The following CPNE4 variants were observed in gnomAD, a reference collection of about 807,000 sequenced individuals.
CPNE4 encodes the protein copine-4.
A neutral mutation model predicts 67.9 loss-of-function variants in CPNE4; 25 were observed. The ratio of observed to expected loss-of-function variants is 0.37; its 90% CI spans 0.27 to 0.51. The LOEUF (loss-of-function observed/expected upper bound fraction) is 0.51, where lower values mean the gene tolerates loss of function less well. Ranked by LOEUF, CPNE4 falls within the 20% of genes least tolerant of loss-of-function variation. CPNE4 has a pLI of 0.93. For synonymous variants in CPNE4, 242 were observed against 244.9 expected, an observed-to-expected ratio of 0.99 and a Z score of 0.11; for missense variants, 464 against 690.8, an observed-to-expected ratio of 0.67 and a Z score of 3.68.
intron 1 of CPNE4, among the ~76,000 whole-genome samples, chr3:131,943,390 T>C (rs972995161): frequency 6.6e-6 from 1 of 152,156 alleles, no homozygotes; most frequent in Non-Finnish European, 1.5e-5. Flanking sequence ...CCCTGTGATA[T>C]GTCATTGGAT....
chr3:131,752,098 A>T (rs1456749323), intron 2 of CPNE4, among the ~76,000 whole-genome samples: 1 of 152,182 alleles, frequency 6.6e-6, no homozygotes, highest in Non-Finnish European at 1.5e-5. Flanking sequence ...GTGAAAGCCC[A>T]CATTTACCAT....
rs4530571 is a variant in CPNE4, at chr3:131,883,552, A to G, written c.180+21712T>C. 6.9e-3 allele frequency among the ~76,000 whole-genome samples: 1,049 copies of G among 152,268 alleles called. 11 individuals carry two copies. The highest frequency in any genetic ancestry group is 0.024 in the African/African-American group (1,014 of 41,572). ...CAAGCAGTTGTACTTTCATCCTCCA[A>G]TGGCCTCCCATTACATATGGAATAA... On this transcript the variant is annotated intron_variant, in intron 2 of 15. Transcript: ENST00000429747.
chr3:131,686,762 G>A (rs955503351), intron 5 of CPNE4, among the ~76,000 whole-genome samples: 1 of 152,138 alleles, frequency 6.6e-6, no homozygotes, highest in Non-Finnish European at 1.5e-5. Flanking sequence ...CTTAGCTCTA[G>A]GTTTTTGTTC....
intron 15 of CPNE4, among the ~76,000 whole-genome samples, chr3:131,539,272 A>C (rs1464342559): frequency 1.3e-5 from 2 of 152,204 alleles, no homozygotes; most frequent in Admixed American, 6.5e-5. Context: ...GACTGTGAGC[A>C]GCACCCTACT....
At chr3:131,848,137 T>C (rs1374463456) in intron 2 of CPNE4, among the ~76,000 whole-genome samples, 2 of 152,142 alleles carry the variant, frequency 1.3e-5, no homozygotes, top group African/African-American at 4.8e-5. Flanking sequence ...TAAGGGGAGC[T>C]TCTGCAATTC....
intron 2 of CPNE4, among the ~76,000 whole-genome samples, chr3:131,742,358 T>A (rs1459288869): frequency 6.6e-6 from 1 of 152,168 alleles, no homozygotes; most frequent in Non-Finnish European, 1.5e-5. Context: ...CTCTCCTTTT[T>A]CTAAGGCCTT....
At chr3:131,627,206 A>AAAAAAAG (rs2079100004) in intron 7 of CPNE4, among the ~76,000 whole-genome samples, 1 of 148,916 alleles carries the variant, frequency 6.7e-6, no homozygotes, top group African/African-American at 2.6e-5. Context: ...AAAAAAAAAA[A>AAAAAAAG]AAAAGAAAAA....
intron 2 of CPNE4, among the ~76,000 whole-genome samples, chr3:131,745,262 A>C (rs2082460114): frequency 6.6e-6 from 1 of 152,070 alleles, no homozygotes; most frequent in Non-Finnish European, 1.5e-5. Context: ...TGTCTTTTGC[A>C]CATTGGATTG....
At chr3:131,637,920 G>T (rs1488683269) in intron 7 of CPNE4, among the ~76,000 whole-genome samples, 1 of 152,070 alleles carries the variant, frequency 6.6e-6, no homozygotes, top group Admixed American at 6.6e-5. Context: ...CCAAAATTTT[G>T]TATCCAATGA....
chr3:131,692,023 T>G (rs1445158320), intron 5 of CPNE4, among the ~76,000 whole-genome samples: 1 of 152,104 alleles, frequency 6.6e-6, no homozygotes, highest in African/African-American at 2.4e-5. Flanking sequence ...ATAGGGCATT[T>G]TACTGAAGTG....
At chr3:131,699,181 G>A (rs2081234809) in intron 4 of CPNE4, among the ~76,000 whole-genome samples, 1 of 152,062 alleles carries the variant, frequency 6.6e-6, no homozygotes, top group Non-Finnish European at 1.5e-5. Flanking sequence ...ATTCAAAAAT[G>A]TAAGCTCTTA....
intron 2 of CPNE4, among the ~76,000 whole-genome samples, chr3:131,767,180 T>C (rs192386534): frequency 1.3e-5 from 2 of 152,200 alleles, no homozygotes; most frequent in African/African-American, 4.8e-5. Flanking sequence ...TTGACTTTGA[T>C]TTTTTTGCCT....
At chr3:131,770,129 ACACT>A in intron 2 of CPNE4, among the ~76,000 whole-genome samples, 1 of 152,280 alleles carries the variant, frequency 6.6e-6, no homozygotes, top group South Asian at 2.1e-4. Flanking sequence ...TGTATTCTGC[ACACT>A]CACTCACCCA....
chr3:131,967,590 C>A (rs557774927), intron 1 of CPNE4, among the ~76,000 whole-genome samples: 1 of 152,014 alleles, frequency 6.6e-6, no homozygotes, highest in Non-Finnish European at 1.5e-5. Flanking sequence ...TAGACAAACA[C>A]AGAGACAAAT....
At chr3:131,953,074 G>A (rs952260952) in intron 1 of CPNE4, among the ~76,000 whole-genome samples, 3 of 151,206 alleles carry the variant, frequency 2.0e-5, no homozygotes, top group African/African-American at 7.3e-5. Flanking sequence ...ACCACTCCCT[G>A]ATCTCAAGTA....
chr3:131,936,888 G>C (rs1008881999), intron 1 of CPNE4, among the ~76,000 whole-genome samples: 2 of 151,076 alleles, frequency 1.3e-5, no homozygotes, highest in Non-Finnish European at 2.9e-5. Flanking sequence ...CAGAGACAAA[G>C]GAGAAATTTT....
intron 2 of CPNE4, among the ~76,000 whole-genome samples, chr3:131,816,868 C>T (rs1376884980): frequency 2.6e-5 from 4 of 152,158 alleles, no homozygotes; most frequent in Admixed American, 1.3e-4. Flanking sequence ...ATGATTATAC[C>T]GTCTTTTTAA....
At chr3:131,647,169 T>C (rs1318800719) in intron 7 of CPNE4, among the ~76,000 whole-genome samples, 1 of 152,220 alleles carries the variant, frequency 6.6e-6, no homozygotes, top group African/African-American at 2.4e-5. Flanking sequence ...AGACGGAGCC[T>C]GAGAAATGCT....
intron 6 of CPNE4, among the ~76,000 whole-genome samples, chr3:131,677,907 T>G (rs2080627882): frequency 6.6e-6 from 1 of 152,128 alleles, no homozygotes; most frequent in Non-Finnish European, 1.5e-5. Flanking sequence ...ATTGCCTTGG[T>G]TATTTGGGCT....
Sources: allele counts gnomAD v4.1 joint callset (sites outside exome capture counted in the v4.1 genomes callset), GRCh38; gene constraint gnomAD v4.1.1; transcripts MANE v1.5; gene names NCBI Gene and HGNC (gene_info 2026-07-23, HGNC 2026-07-21).